The following SYT16 variants were observed in gnomAD, a reference collection of about 807,000 sequenced individuals.
The protein encoded by SYT16 is synaptotagmin-16.
Under a neutral mutation model 61.4 loss-of-function variants are expected in SYT16, and 42 were observed. The observed-to-expected ratio is 0.68, with a 90% confidence interval of 0.53 to 0.89. The LOEUF is 0.89. Ranked by LOEUF, SYT16 falls within the 40% of genes least tolerant of loss-of-function variation. SYT16 has a pLI of 0.00. For missense variants in SYT16, 804 were observed against 807.3 expected (o/e 1.00, Z 0.05); for synonymous variants, 314 against 302.3 (o/e 1.04, Z -0.40).
intron 1 of SYT16, among the ~76,000 whole-genome samples, chr14:61,854,843 C>T (rs2046726232): frequency 6.8e-6 from 1 of 147,448 alleles, no homozygotes; most frequent in Non-Finnish European, 1.5e-5. Flanking sequence ...GTTGCTTATT[C>T]TTTTTTTTTT....
intron 1 of SYT16, among the ~76,000 whole-genome samples, chr14:61,928,854 A>G (rs1228546127): frequency 2.6e-5 from 4 of 152,208 alleles, no homozygotes; most frequent in Non-Finnish European, 1.5e-5. Flanking sequence ...GTACATAAAT[A>G]TGGATAAAAG....
At chr14:61,973,172 C>G (rs1022979038) in intron 2 of SYT16, among the ~76,000 whole-genome samples, 1 of 152,214 alleles carries the variant, frequency 6.6e-6, no homozygotes, top group Non-Finnish European at 1.5e-5. Flanking sequence ...ATTTTCCAAA[C>G]CTACTATGCA....
rs768539483 is a variant in SYT16, at chr14:61,996,329, A to C, written c.310A>C (p.Asn104His). 1.6e-5 allele frequency: 26 copies of C among 1,613,398 alleles called. No individual in the cohort carries two copies. Among genetic ancestry groups the C allele is most frequent in the Non-Finnish European group, 2.0e-5 (24 of 1,179,508 alleles). The change falls in exon 3 of 8, where the codon AAT becomes CAT. Residue 104 changes from asparagine to histidine, a missense_variant. Transcript: ENST00000683842. Reference protein sequence around the residue: ...CNSDLQDSAQNSSPSLSQHAK... With the variant: ...CNSDLQDSAQHSSPSLSQHAK... The stretch of plus-strand genomic sequence containing the variant: ...TAGTGATTTGCAGGACTCTGCCCAA[A>C]ATTCAAGCCCAAGCCTTAGCCAACA...
At chr14:61,950,059 T>C (rs2050608848) in intron 1 of SYT16, among the ~76,000 whole-genome samples, 2 of 152,240 alleles carry the variant, frequency 1.3e-5, no homozygotes, top group South Asian at 4.1e-4. Context: ...TTGCATGTTG[T>C]TTGGGCTGTT....
At chr14:61,984,158 C>T (rs909097639) in intron 2 of SYT16, among the ~76,000 whole-genome samples, 1 of 152,116 alleles carries the variant, frequency 6.6e-6, no homozygotes, top group Non-Finnish European at 1.5e-5. Context: ...CCAAATGCCT[C>T]CACCCCTTCT....
At chr14:61,969,569 A>G (rs770192869) in intron 1 of SYT16, among the ~76,000 whole-genome samples, 11 of 152,380 alleles carry the variant, frequency 7.2e-5, no homozygotes, top group Admixed American at 1.3e-4. Context: ...TATGGATGGC[A>G]TGAATTATTA....
At chr14:61,883,248 T>G (rs1594822546) in intron 1 of SYT16, among the ~76,000 whole-genome samples, 2 of 152,374 alleles carry the variant, frequency 1.3e-5, no homozygotes, top group East Asian at 3.9e-4. Context: ...TGGCTTGAAT[T>G]TCTTCCCAGA....
chr14:62,004,238 GAGACA>G (rs1460061995), intron 3 of SYT16, among the ~76,000 whole-genome samples: 12 of 152,160 alleles, frequency 7.9e-5, no homozygotes, highest in African/African-American at 1.9e-4. Flanking sequence ...GGCAACAGGA[GAGACA>G]GAGAGACAGA....
At chr14:62,068,912 C>T (rs888224447) in intron 3 of SYT16, among the ~76,000 whole-genome samples, 8 of 152,170 alleles carry the variant, frequency 5.3e-5, no homozygotes, top group Admixed American at 2.6e-4. Context: ...TCTCCTGTCT[C>T]AGCCTCCCGA....
At chr14:62,069,048 G>A (rs1022103249) in intron 3 of SYT16, among the ~76,000 whole-genome samples, 1 of 152,140 alleles carries the variant, frequency 6.6e-6, no homozygotes, top group Non-Finnish European at 1.5e-5. Flanking sequence ...TGCCCACCTC[G>A]GCCTCCCAAC....
chr14:62,005,027 TACTC>T (rs2053166161), intron 3 of SYT16, among the ~76,000 whole-genome samples: 1 of 152,178 alleles, frequency 6.6e-6, no homozygotes, highest in African/African-American at 2.4e-5. Flanking sequence ...GGGTGGGGGA[TACTC>T]ACCTCTGGCA....
At chr14:61,847,120 C>T (rs2046468454) in intron 1 of SYT16, among the ~76,000 whole-genome samples, 1 of 152,064 alleles carries the variant, frequency 6.6e-6, no homozygotes, top group Non-Finnish European at 1.5e-5. Context: ...TATGTTTCTC[C>T]TTGTACTTAC....
chr14:62,022,478 T>C (rs570301357), intron 3 of SYT16, among the ~76,000 whole-genome samples: 1 of 152,166 alleles, frequency 6.6e-6, no homozygotes, highest in Middle Eastern at 3.2e-3. Context: ...AGTTTTACCA[T>C]GATGTATTTA....
At chr14:62,057,868 A>G (rs1370024495) in intron 3 of SYT16, among the ~76,000 whole-genome samples, 1 of 151,912 alleles carries the variant, frequency 6.6e-6, no homozygotes, top group Non-Finnish European at 1.5e-5. Context: ...TGAAACAAAT[A>G]CCACAGTCAA....
intron 1 of SYT16, chr14:61,865,179 G>C: frequency 8.5e-7 from 1 of 1,178,422 alleles, no homozygotes; most frequent in South Asian, 1.2e-5. Context: ...CCAGAGGATC[G>C]TGTTTCTGTC....
intron 1 of SYT16, chr14:61,832,137 T>C (rs1471813480): frequency 1.4e-6 from 1 of 710,362 alleles, no homozygotes; most frequent in Admixed American, 1.9e-5. Context: ...CAACTCGACT[T>C]TCCCATCCGT....
chr14:62,069,513 C>T lies in SYT16; in HGVS notation c.524-90C>T, dbSNP rs1474780605. On this transcript the variant is annotated intron_variant, in intron 3 of 7. Transcript: ENST00000683842. ...TGCCTTCGTTCAAACTCATTGTCCA[C>T]GTTCTTCTCTTCTGTTTTCCTGGAG... The T allele has an allele frequency of 1.1e-5, 14 of 1,296,174 alleles. No homozygotes were observed. The South Asian group carries it at 1.4e-4, about 13-fold the overall frequency. The allele number at this position is 1,296,174 out of a possible 1,614,324, so 80.3% of individuals were successfully genotyped here.
At chr14:61,927,193 C>G (rs1180751626) in intron 1 of SYT16, among the ~76,000 whole-genome samples, 1 of 152,126 alleles carries the variant, frequency 6.6e-6, no homozygotes, top group Non-Finnish European at 1.5e-5. Flanking sequence ...GTTTTAAATT[C>G]CAGGAAGCAT....
At chr14:61,861,314 T>A (rs1372827580) in intron 1 of SYT16, among the ~76,000 whole-genome samples, 2 of 152,226 alleles carry the variant, frequency 1.3e-5, no homozygotes, top group Non-Finnish European at 2.9e-5. Flanking sequence ...ATTTACTAAT[T>A]TTTTTTGGTA....
Sources: gnomAD v4.1 joint callset for allele counts (sites outside exome capture counted in the v4.1 genomes callset) on GRCh38, gnomAD v4.1.1 for gene constraint, MANE v1.5 for transcripts, NCBI Gene and HGNC (gene_info 2026-07-23, HGNC 2026-07-21) for gene names.